Variants in MAML3 observed in about 807,000 individuals in gnomAD.
MAML3 encodes mastermind like transcriptional coactivator 3, also known as mastermind-like protein 3.
MAML3 carries 27 observed loss-of-function variants against 101.9 expected under a neutral mutation model. That is an observed-to-expected ratio of 0.27 (90% CI 0.20 to 0.37). The LOEUF is 0.37. Among genes scored for constraint, MAML3 ranks in the 10% least tolerant of loss-of-function variants. MAML3 has a pLI of 1.00. For synonymous variants in MAML3, 501 were observed against 555.9 expected (o/e 0.90, Z 1.39); for missense variants, 1,316 against 1,444.9 (o/e 0.91, Z 1.45).
intron 1 of MAML3, among the ~76,000 whole-genome samples, chr4:140,024,221 T>G (rs1578647665): frequency 1.3e-5 from 2 of 151,818 alleles, no homozygotes; most frequent in South Asian, 2.1e-4. Flanking sequence ...ATGGATGGAT[T>G]GATTGATTTT....
intron 1 of MAML3, among the ~76,000 whole-genome samples, chr4:139,947,203 A>C (rs575277107): frequency 1.3e-5 from 2 of 152,298 alleles, no homozygotes; most frequent in Middle Eastern, 3.4e-3. Flanking sequence ...TTTTCTTAAA[A>C]TCTTCGGTAG....
intron 1 of MAML3, among the ~76,000 whole-genome samples, chr4:140,080,320 T>A (rs1399473512): frequency 1.3e-5 from 2 of 152,214 alleles, no homozygotes; most frequent in African/African-American, 4.8e-5. Flanking sequence ...AGACAGGAGC[T>A]CTACTCATGG....
intron 1 of MAML3, among the ~76,000 whole-genome samples, chr4:140,026,019 C>T (rs1008122329): frequency 1.3e-5 from 2 of 152,134 alleles, no homozygotes; most frequent in Non-Finnish European, 2.9e-5. Context: ...TGGGTTATAC[C>T]TAACAGCCAA....
At chr4:140,145,871 C>CTTTTTTCT (rs1729052864) in intron 1 of MAML3, among the ~76,000 whole-genome samples, 2 of 32,676 alleles carry the variant, frequency 6.1e-5, no homozygotes, top group Non-Finnish European at 1.6e-4. Flanking sequence ...CCTTTTTTTT[C>CTTTTTTCT]TTTTTTCTTT....
At chr4:139,802,330 T>C (rs1730624306) in intron 2 of MAML3, among the ~76,000 whole-genome samples, 1 of 152,144 alleles carries the variant, frequency 6.6e-6, no homozygotes, top group African/African-American at 2.4e-5. Flanking sequence ...AGGGTTAGGA[T>C]CTATCACTGT....
chr4:139,776,820 C>T (rs1224948770), intron 2 of MAML3, among the ~76,000 whole-genome samples: 1 of 152,100 alleles, frequency 6.6e-6, no homozygotes, highest in Non-Finnish European at 1.5e-5. Flanking sequence ...CTTTGTTTTA[C>T]TGGCGTGACA....
At chr4:139,828,090 G>A (rs1731095132) in intron 2 of MAML3, among the ~76,000 whole-genome samples, 1 of 152,206 alleles carries the variant, frequency 6.6e-6, no homozygotes, top group African/African-American at 2.4e-5. Flanking sequence ...TGAGTGCATA[G>A]GCACCTATAA....
intron 1 of MAML3, among the ~76,000 whole-genome samples, chr4:139,962,572 C>A (rs1241090421): frequency 6.6e-6 from 1 of 152,128 alleles, no homozygotes; most frequent in Non-Finnish European, 1.5e-5. Context: ...GAAACTCTGC[C>A]AATCTAGGAA....
intron 2 of MAML3, among the ~76,000 whole-genome samples, chr4:139,833,205 A>AGCCCAGCCTCTG (rs1300452977): frequency 1.2e-4 from 19 of 152,212 alleles, no homozygotes; most frequent in African/African-American, 4.6e-4. Context: ...CACGCAAGTT[A>AGCCCAGCCTCTG]GCCCAGCCTC....
At chr4:140,146,136 G>A (rs1423058975) in intron 1 of MAML3, among the ~76,000 whole-genome samples, 1 of 152,124 alleles carries the variant, frequency 6.6e-6, no homozygotes, top group East Asian at 1.9e-4. Flanking sequence ...GCCTCCCATA[G>A]TGCTGGGATT....
intron 2 of MAML3, among the ~76,000 whole-genome samples, chr4:139,866,146 G>T (rs1393315203): frequency 1.3e-5 from 2 of 152,218 alleles, no homozygotes; most frequent in Non-Finnish European, 2.9e-5. Flanking sequence ...CATCAAACTG[G>T]CCTTCCCAGT....
chr4:139,847,348 G>A (rs1471607722), intron 2 of MAML3, among the ~76,000 whole-genome samples: 2 of 152,190 alleles, frequency 1.3e-5, no homozygotes, highest in East Asian at 1.9e-4. Context: ...TCAATCCGTT[G>A]AGCAAATCAT....
chr4:140,152,194 C>G (rs1729184442), intron 1 of MAML3, among the ~76,000 whole-genome samples: 1 of 152,158 alleles, frequency 6.6e-6, no homozygotes. Flanking sequence ...CGCATCCGCG[C>G]GCGCTCCCGC....
chr4:140,003,478 C>A (rs905347933), intron 1 of MAML3, among the ~76,000 whole-genome samples: 9 of 152,094 alleles, frequency 5.9e-5, no homozygotes. Context: ...AGAATCCTGG[C>A]ATGTCAGGGG....
Position 139,907,517 on chromosome 4 carries a change from C to T in MAML3, c.469-16550G>A, listed in dbSNP as rs567284052. Among the ~76,000 whole-genome samples, 12 of 152,322 alleles carry T rather than the reference C, an allele frequency of 7.9e-5. 1 individual carries two copies. The South Asian group carries it at 2.3e-3, about 29-fold the overall frequency. ...TTTGGTAAACATGAAAGAAAAATTACACTTGAATCCTAATCACAATTATCT... is the reference window on the plus strand; with the variant it reads ...TTTGGTAAACATGAAAGAAAAATTATACTTGAATCCTAATCACAATTATCT... On this transcript the variant is annotated intron_variant, in intron 1 of 4. Coordinates refer to ENST00000509479, the MANE Select transcript of MAML3 (RefSeq NM_018717.5).
At chr4:140,005,134 C>G (rs1021064220) in intron 1 of MAML3, among the ~76,000 whole-genome samples, 8 of 152,124 alleles carry the variant, frequency 5.3e-5, no homozygotes, top group Non-Finnish European at 1.2e-4. Context: ...GTGTTGCTAC[C>G]CTTTGTCCTG....
At chr4:139,743,689 T>C (rs912442159) in intron 2 of MAML3, among the ~76,000 whole-genome samples, 2 of 152,212 alleles carry the variant, frequency 1.3e-5, no homozygotes, top group Non-Finnish European at 2.9e-5. Context: ...GTGAGATTCC[T>C]TTCTTTATTT....
At chr4:139,908,548 A>G (rs1732860624) in intron 1 of MAML3, among the ~76,000 whole-genome samples, 1 of 152,262 alleles carries the variant, frequency 6.6e-6, no homozygotes. Flanking sequence ...TGATACATGT[A>G]TTATGAATTC....
chr4:139,935,010 A>G (rs1733477396), intron 1 of MAML3, among the ~76,000 whole-genome samples: 3 of 152,146 alleles, frequency 2.0e-5, no homozygotes, highest in South Asian at 2.1e-4. Flanking sequence ...AGCAAAAGGT[A>G]TCAGTTTGCC....
Sources: gnomAD v4.1 joint callset for allele counts (sites outside exome capture counted in the v4.1 genomes callset) on GRCh38, gnomAD v4.1.1 for gene constraint, MANE v1.5 for transcripts, NCBI Gene and HGNC (gene_info 2026-07-23, HGNC 2026-07-21) for gene names.